Variants in PSG3 observed in about 807,000 individuals in gnomAD.
PSG3 encodes pregnancy-specific beta-1-glycoprotein 3.
Under a neutral mutation model 47.5 loss-of-function variants are expected in PSG3, and 61 were observed. The ratio of observed to expected loss-of-function variants is 1.28; its 90% CI spans 1.05 to 1.59. PSG3 has a LOEUF of 1.59. Among genes scored for constraint, PSG3 ranks in the 40% most tolerant of loss-of-function variants. The pLI, the probability that PSG3 is intolerant of heterozygous loss-of-function variation, is 0.00. For missense variants in PSG3, 756 were observed against 524.0 expected (o/e 1.44, Z -4.32); for synonymous variants, 263 against 198.4 (o/e 1.33, Z -2.74).
chr19:42,729,683 C>G lies in PSG3; in HGVS notation c.988+95G>C, dbSNP rs1468880217. 3 of 1,571,326 alleles carry G rather than the reference C, an allele frequency of 1.9e-6. No homozygotes were observed. In the Admixed American group the frequency reaches 5.4e-5, roughly 28 times the overall value. On this transcript the variant is annotated intron_variant, in intron 4 of 6. Transcript: ENST00000327495. ...CTCGGATGTCCAGAAGTAATGGTAT[C>G]TATACTTGGACCAGAGAGAGAGTGA...
intron 2 of PSG3, among the ~76,000 whole-genome samples, chr19:42,736,404 C>T (rs994038789): frequency 6.6e-6 from 1 of 152,148 alleles, no homozygotes; most frequent in Non-Finnish European, 1.5e-5. Context: ...CAAGCACAAA[C>T]AGATCATTTC....
chr19:42,729,973 T>C lies in PSG3; in HGVS notation c.793A>G (p.Lys265Glu). 1 of 1,612,282 alleles carries C rather than the reference T, an allele frequency of 6.2e-7. No individual in the cohort carries two copies. Among genetic ancestry groups the C allele is most frequent in the Non-Finnish European group, 8.5e-7 (1 of 1,179,850 alleles). The change falls in exon 4 of 7, where the codon AAG becomes GAG. Residue 265 changes from lysine to glutamate, a missense_variant. Transcript: ENST00000327495. ...KDVLAFTCEP[K>E]SENYTYIWWL... ...CAAATGTAGGTGTAGTTCTCACTCTTAGGTTCACAGGTGAAGGCTAAGACA... is the reference window on the plus strand; with the variant it reads ...CAAATGTAGGTGTAGTTCTCACTCTCAGGTTCACAGGTGAAGGCTAAGACA...
At position 42,730,047 on chromosome 19, in the gene PSG3, G is replaced by C; in HGVS notation, c.719C>G (p.Pro240Arg). Reference protein sequence around the residue: ...PVTLNLLPKLPKPYITINNLN... With the variant: ...PVTLNLLPKLRKPYITINNLN... ...GTTGTTGATGGTGATGTAGGGCTTG[G>C]GCAGCTTCGCTGTGTGGATAACAGA... is the stretch of plus-strand genomic sequence containing the variant. The change falls in exon 4 of 7, where the codon CCC becomes CGC. Residue 240 changes from proline (P) to arginine (R), a missense_variant. Transcript: ENST00000327495. The C allele has an allele frequency of 6.2e-7, 1 of 1,612,454 alleles. No homozygotes were observed. The highest frequency in any genetic ancestry group is 2.2e-5 in the East Asian group (1 of 44,882).
chr19:42,739,709 G>C (rs1969636001), intron 1 of PSG3, among the ~76,000 whole-genome samples: 3 of 152,146 alleles, frequency 2.0e-5, no homozygotes, highest in Admixed American at 6.5e-5. Context: ...TTTTGCTGAG[G>C]ACAGTGTTTC....
chr19:42,731,577 T>C (rs1475809120), intron 3 of PSG3, among the ~76,000 whole-genome samples: 2 of 152,080 alleles, frequency 1.3e-5, no homozygotes, highest in Non-Finnish European at 2.9e-5. Flanking sequence ...TGGTTGCCTC[T>C]TTTTCTCAGT....
At chr19:42,729,004 G>A in intron 5 of PSG3, 119 bp downstream of exon 5, 2 of 1,584,822 alleles carry the variant, frequency 1.3e-6, no homozygotes, top group Admixed American at 1.7e-5. Context: ...GGAGAATTTG[G>A]GATTTGCTTG....
rs1202955412 is a variant in PSG3 at position 42,723,497 on chromosome 19, G to C, written c.*40+445C>G. The stretch of plus-strand genomic sequence containing the variant: ...TCAAAGTGGCTAGAGTAGACCCCTG[G>C]AGATTCTTGATTAAGTGAATTAACT... On this transcript the variant is annotated intron_variant, in intron 6 of 6. Transcript: ENST00000327495. Among the ~76,000 whole-genome samples, 3 of 152,288 alleles carry C rather than the reference G, an allele frequency of 2.0e-5. No homozygotes were observed. The East Asian group carries it at 5.8e-4, about 29-fold the overall frequency.
intron 5 of PSG3, 70 bp from the exon 6 acceptor site, chr19:42,724,095 A>G (rs1969337961): frequency 4.6e-6 from 7 of 1,524,768 alleles, no homozygotes; most frequent in African/African-American, 2.7e-5. Flanking sequence ...CTCAGGAACA[A>G]GCATGTAACA....
chr19:42,722,146 T>A, intron 6 of PSG3, 56 bp from the exon 7 acceptor site: 1 of 405,862 alleles, frequency 2.5e-6, no homozygotes, highest in East Asian at 3.6e-5. Context: ...GAGAATTTAT[T>A]ATGGTAAAGA....
intron 3 of PSG3, chr19:42,732,100 T>C (rs569405642): frequency 1.8e-3 from 286 of 156,708 alleles, no homozygotes; most frequent in Non-Finnish European, 1.9e-3. Flanking sequence ...CTGGAAAACA[T>C]AGTGCCAATG....
Position 42,738,882 on chromosome 19 carries a change from T to C in PSG3, c.272A>G (p.Tyr91Cys). The change falls in exon 2 of 7, where the codon TAT becomes TGT. Residue 91 changes from tyrosine (Y) to cysteine (C), a missense_variant. By Grantham distance (194) the Tyr-to-Cys change is radical (BLOSUM62 -2). Coordinates refer to ENST00000327495, the MANE Select transcript of PSG3 (RefSeq NM_021016.4). Reference protein sequence around the residue: ...SYVVDGQIIIYGPAYSGRETV... With the variant: ...SYVVDGQIIICGPAYSGRETV... Reference sequence around the variant, plus strand: ...TTCTCGTCCACTGTATGCAGGCCCATATATAATTATTTGACCATCTACTAC... The same window carrying C: ...TTCTCGTCCACTGTATGCAGGCCCACATATAATTATTTGACCATCTACTAC... 1 of 1,614,130 alleles carries C rather than the reference T, an allele frequency of 6.2e-7. No homozygotes were observed. Among genetic ancestry groups the C allele is most frequent in the Non-Finnish European group, 8.5e-7 (1 of 1,179,998 alleles).
Position 42,729,820 on chromosome 19 carries a change from A to C in PSG3, c.946T>G (p.Tyr316Asp). The change falls in exon 4 of 7, where the codon TAT becomes GAT. Residue 316 changes from tyrosine to aspartate, a missense_variant. By Grantham distance (160) the Tyr-to-Asp change is radical (BLOSUM62 -3). Transcript: ENST00000327495. ...GPYQCEIQDRYGGIRSYPVTL... is the reference protein window; with the variant it reads ...GPYQCEIQDRDGGIRSYPVTL... ...ACTGGGTAACTGCGGATGCCACCAT[A>C]TCGGTCCTGTATTTCACATTGATAG... is the stretch of plus-strand genomic sequence containing the variant. 5 of 1,613,694 alleles carry C rather than the reference A, an allele frequency of 3.1e-6. No individual in the cohort carries two copies. Among genetic ancestry groups the C allele is most frequent in the South Asian group, 2.2e-5 (2 of 91,064 alleles).
chr19:42,725,842 C>A (rs544115320), intron 5 of PSG3, among the ~76,000 whole-genome samples: 1 of 141,566 alleles, frequency 7.1e-6, no homozygotes, highest in African/African-American at 2.8e-5. Context: ...CCATCCTGGG[C>A]TGGCCTACAG....
intron 5 of PSG3, among the ~76,000 whole-genome samples, chr19:42,727,014 G>C (rs1969388478): frequency 6.6e-6 from 1 of 152,182 alleles, no homozygotes; most frequent in East Asian, 1.9e-4. Flanking sequence ...AGTGTGCCAA[G>C]ATCGTTCAAT....
chr19:42,722,155 G>C (rs1306822217), intron 6 of PSG3, 65 bp from the exon 7 acceptor site: 1 of 404,324 alleles, frequency 2.5e-6, no homozygotes, highest in Non-Finnish European at 4.4e-6. Flanking sequence ...TTATGGTAAA[G>C]ACACAGCTCA....
chr19:42,740,021 C>T (rs543942289), intron 1 of PSG3, among the ~76,000 whole-genome samples: 40 of 151,704 alleles, frequency 2.6e-4, no homozygotes, highest in Non-Finnish European at 3.5e-4. Context: ...GGCACTATCT[C>T]GGCTCACTGC....
chr19:42,732,543 T>A, intron 3 of PSG3: 1 of 946,842 alleles, frequency 1.1e-6, no homozygotes, highest in South Asian at 1.7e-5. Flanking sequence ...GACAGTCACC[T>A]GTTTTGCCCA....
At position 42,729,947 on chromosome 19, in the gene PSG3, C is replaced by G; in HGVS notation, c.819G>C (p.Trp273Cys). The G allele has an allele frequency of 6.2e-7, 1 of 1,612,102 alleles. No individual in the cohort carries two copies. The highest frequency in any genetic ancestry group is 2.2e-5 in the East Asian group (1 of 44,878). ...CCGGGAGGCTCTGACCATTTAGCCA[C>G]CAAATGTAGGTGTAGTTCTCACTCT... is the stretch of plus-strand genomic sequence containing the variant. ...EPKSENYTYI[W>C]WLNGQSLPVS... The change falls in exon 4 of 7, where the codon TGG (tryptophan) becomes TGC (cysteine). Residue 273 changes from tryptophan (W) to cysteine (C), a missense_variant. By Grantham distance (215) the Trp-to-Cys change is radical. Transcript: ENST00000327495.
chr19:42,735,367 A>C (rs901299877), intron 2 of PSG3, among the ~76,000 whole-genome samples: 2 of 151,636 alleles, frequency 1.3e-5, no homozygotes, highest in African/African-American at 4.9e-5. Context: ...ATGTCTCTAA[A>C]AACATTTTTT....
Sources: gnomAD v4.1 joint callset for allele counts (sites outside exome capture counted in the v4.1 genomes callset) on GRCh38, gnomAD v4.1.1 for gene constraint, MANE v1.5 for transcripts, NCBI Gene and HGNC (gene_info 2026-07-23, HGNC 2026-07-21) for gene names.